The following MGST1 variants were observed in gnomAD, a reference collection of about 807,000 sequenced individuals.
MGST1 encodes the protein glutathione S-transferase 12.
MGST1 carries 5 observed loss-of-function variants against 8.9 expected under a neutral mutation model. The observed-to-expected ratio is 0.56, with a 90% CI of 0.29 to 1.19. MGST1 has a LOEUF of 1.19. Ranked by LOEUF, MGST1 falls within the 50% of genes most tolerant of loss-of-function variation. The probability of loss-of-function intolerance (pLI) is 0.08; values close to 1 mark genes in which losing one functional copy is unlikely to be tolerated. For missense variants in MGST1, 182 were observed against 187.4 expected (o/e 0.97, Z 0.17); for synonymous variants, 54 against 67.8 (o/e 0.80, Z 1.00).
At chr12:16,525,420 T>C (rs2137194440) in intron 4 of MGST1, among the ~76,000 whole-genome samples, 2 of 151,778 alleles carry the variant, frequency 1.3e-5, no homozygotes, top group East Asian at 3.9e-4. Context: ...TGCGATAGTT[T>C]ACTGAGAATG....
downstream of MGST1, among the ~76,000 whole-genome samples, chr12:16,440,039 A>G (rs988218873): frequency 1.3e-5 from 2 of 151,732 alleles, no homozygotes; most frequent in African/African-American, 2.4e-5. Flanking sequence ...AGGTGCATTT[A>G]TGGTGTGATG....
At chr12:16,530,664 T>C (rs958038993) in intron 4 of MGST1, among the ~76,000 whole-genome samples, 2 of 152,094 alleles carry the variant, frequency 1.3e-5, no homozygotes, top group Non-Finnish European at 2.9e-5. Flanking sequence ...GTTGCATAGA[T>C]ACAAGACAGA....
At chr12:16,467,834 T>C (rs1455002355) in intron 4 of MGST1, among the ~76,000 whole-genome samples, 1 of 152,324 alleles carries the variant, frequency 6.6e-6, no homozygotes, top group East Asian at 1.9e-4. Flanking sequence ...TGAAATAGAA[T>C]TGAGTCTTAA....
At chr12:16,589,609 A>C (rs913216154), downstream of MGST1, 4 of 152,138 alleles carry the variant, frequency 2.6e-5, no homozygotes, top group African/African-American at 9.7e-5. The surrounding 1 kb of genome is among the most constrained non-coding windows in gnomAD (Gnocchi z 4.2). Flanking sequence ...CTCTATTATA[A>C]AGACAGTGGT....
intron 1 of MGST1, among the ~76,000 whole-genome samples, chr12:16,406,593 G>A (rs1310890252): frequency 1.3e-5 from 2 of 152,302 alleles, no homozygotes; most frequent in East Asian, 3.9e-4. Context: ...CCAAAAAAGA[G>A]CATGAATTGC....
At position 16,364,247 on chromosome 12, in the gene MGST1, T is replaced by G; in HGVS notation, c.*206T>G. ...AATTTAACATAGTAATTCTTAAGTC[T>G]TTTGTCTGATTTTTAAAGTACTTTC... On this transcript the variant is annotated 3_prime_UTR_variant, in exon 4 of 4. Coordinates refer to ENST00000396210, the MANE Select transcript of MGST1 (RefSeq NM_020300.5). The surrounding 1 kb of genome is among the most constrained non-coding windows in gnomAD (Gnocchi z 5.7). 1 of 1,247,424 alleles carries G rather than the reference T, an allele frequency of 8.0e-7. No individual in the cohort carries two copies. 77.3% of individuals were successfully genotyped at this position (1,247,424 alleles called of 1,614,324 possible).
chr12:16,513,130 A>G lies in MGST1; in HGVS notation n.483-76398A>G, dbSNP rs577852106. On this transcript the variant is annotated intron_variant and non_coding_transcript_variant, in intron 4 of 4. Coordinates refer to the MGST1 transcript ENST00000538857. This position sits in a 1 kb window ranked among gnomAD's most constrained non-coding sequence, Gnocchi z 4.2. ...CTTTCATGTGTATATATACAGATAC[A>G]CATATACATAAACATACATATAACT... Among the ~76,000 whole-genome samples, 1 of 152,344 alleles carries G rather than the reference A, an allele frequency of 6.6e-6. No homozygotes were observed. The highest frequency in any genetic ancestry group is 6.5e-5 in the Admixed American group (1 of 15,304).
At chr12:16,376,554 C>G (rs1003754543) in exon 4 of MGST1, 1 of 153,674 alleles carries the variant, frequency 6.5e-6, no homozygotes, top group Non-Finnish European at 1.4e-5. Context: ...ATTGACTGAC[C>G]GAGAGAACAG....
chr12:16,385,387 G>T (rs189017443), intron 1 of MGST1, among the ~76,000 whole-genome samples: 1 of 152,038 alleles, frequency 6.6e-6, no homozygotes, highest in East Asian at 1.9e-4. Flanking sequence ...GAACTCTGAG[G>T]TTACATCAAT....
At chr12:16,372,886 T>A (rs1344313423) in intron 3 of MGST1, among the ~76,000 whole-genome samples, 1 of 138,844 alleles carries the variant, frequency 7.2e-6, no homozygotes, top group African/African-American at 2.6e-5. Context: ...ATATTACATA[T>A]TATGTAGTAT....
At chr12:16,373,233 T>C (rs1157527297) in intron 3 of MGST1, among the ~76,000 whole-genome samples, 1 of 151,618 alleles carries the variant, frequency 6.6e-6, no homozygotes, top group Non-Finnish European at 1.5e-5. Context: ...AAAATGGTGG[T>C]TACTAGAGAG....
At chr12:16,402,049 T>C (rs781222743) in intron 1 of MGST1, 10 of 1,580,962 alleles carry the variant, frequency 6.3e-6, no homozygotes, top group Admixed American at 5.0e-5. Context: ...CTTTCTTTAA[T>C]GGCTTCAATC....
In MGST1 at chr12:16,454,902, A is replaced by AAAAAAAAAAAAAAAAAG. The variant is rs1555104768; in HGVS notation, n.482+71300_482+71301insAAAAAAAAAAAAAAGAA. Among the ~76,000 whole-genome samples, 6 of 125,996 alleles carry AAAAAAAAAAAAAAAAAG rather than the reference A, an allele frequency of 4.8e-5. 2 individuals are homozygous for AAAAAAAAAAAAAAAAAG. Among genetic ancestry groups the AAAAAAAAAAAAAAAAAG allele is most frequent in the African/African-American group, 1.9e-4 (6 of 30,900 alleles). 82.7% of individuals were successfully genotyped at this position (125,996 alleles called of 152,430 possible). A position where few individuals can be genotyped will look rare whatever the true frequency, so the allele number is the denominator to read the frequency against. On this transcript the variant is annotated intron_variant and non_coding_transcript_variant, in intron 4 of 4. Transcript: ENST00000538857. ...AAAAAAAAAAAAAAAAAAAAAAAAAAAAGGAGATGGGAAGATTTGAGGAGA... is the reference window on the plus strand; with the variant it reads ...AAAAAAAAAAAAAAAAAAAAAAAAAAAAAAAAAAAAAAAAAAGAAGGAGATGGGAAGATTTGAGGAGA...
intron 4 of MGST1, among the ~76,000 whole-genome samples, chr12:16,447,631 T>C (rs1182137448): frequency 6.6e-6 from 1 of 151,908 alleles, no homozygotes; most frequent in Non-Finnish European, 1.5e-5. Context: ...AAGCTTGGCA[T>C]AATAGATTTG....
intron 4 of MGST1, among the ~76,000 whole-genome samples, chr12:16,556,817 G>A (rs1942209300): frequency 1.3e-5 from 2 of 152,262 alleles, no homozygotes; most frequent in African/African-American, 4.8e-5. Flanking sequence ...TCCCGCATTA[G>A]TTTGTCTTGT....
intron 1 of MGST1, among the ~76,000 whole-genome samples, chr12:16,431,574 G>A (rs941771534): frequency 1.3e-5 from 2 of 152,052 alleles, no homozygotes; most frequent in Admixed American, 1.3e-4. Flanking sequence ...CACAGGTGGA[G>A]CAATCAGAAC....
chr12:16,573,350 T>C (rs1473050093), intron 4 of MGST1, among the ~76,000 whole-genome samples: 2 of 152,136 alleles, frequency 1.3e-5, no homozygotes, highest in Non-Finnish European at 2.9e-5. Context: ...AAACATGAGG[T>C]ACTGGAATCA....
intron 4 of MGST1, among the ~76,000 whole-genome samples, chr12:16,534,766 T>TG (rs1377697426): frequency 6.8e-6 from 1 of 147,990 alleles, no homozygotes; most frequent in African/African-American, 2.5e-5. Context: ...ATTCTCAACT[T>TG]GAACGTTCTT....
rs1046188055 is a variant in MGST1 at position 16,587,469 on chromosome 12, C to A, written n.483-2059C>A. Among the ~76,000 whole-genome samples, 1 of 151,508 alleles carries A rather than the reference C, an allele frequency of 6.6e-6. No individual in the cohort carries two copies. Among genetic ancestry groups the A allele is most frequent in the African/African-American group, 2.4e-5 (1 of 41,300 alleles). ...AGGAATTCAAGTTCGATTTTTTTTT[C>A]TTTTACTTTGCCTACTACTAGCAAA... On this transcript the variant is annotated intron_variant and non_coding_transcript_variant, in intron 4 of 4. Coordinates refer to the MGST1 transcript ENST00000538857. This position sits in a 1 kb window ranked among gnomAD's most constrained non-coding sequence, Gnocchi z 4.3.
Sources: gnomAD v4.1 joint callset for allele counts (sites outside exome capture counted in the v4.1 genomes callset) on GRCh38, gnomAD v4.1.1 for gene constraint, Gnocchi (gnomAD v3.1) non-coding constraint, MANE v1.5 for transcripts, NCBI Gene and HGNC (gene_info 2026-07-23, HGNC 2026-07-21) for gene names.